Variants in RLIM observed in about 807,000 individuals in gnomAD.
The protein encoded by RLIM is ring finger protein, LIM domain interacting, also known as E3 ubiquitin-protein ligase RLIM.
Under a neutral mutation model 34.0 loss-of-function variants are expected in RLIM, and 2 were observed. The ratio of observed to expected loss-of-function variants is 0.06; its 90% CI spans 0.02 to 0.19. RLIM has a LOEUF of 0.19. Among genes scored for constraint, RLIM ranks in the 10% least tolerant of loss-of-function variants. The probability of loss-of-function intolerance (pLI) is 1.00; values close to 1 mark genes in which losing one functional copy is unlikely to be tolerated. For synonymous variants in RLIM, 169 were observed against 164.0 expected (o/e 1.03, Z -0.23); for missense variants, 286 against 479.7 (o/e 0.60, Z 3.77).
At chrX:74,596,298 T>G (rs1275663336) in intron 1 of RLIM, among the ~76,000 whole-genome samples, 2 of 112,151 alleles carry the variant, frequency 1.8e-5, no homozygotes, top group African/African-American at 3.2e-5. Context: ...CAGGCTAGAG[T>G]GTAGTGGTGC....
At chrX:74,603,481 CATA>C (rs927737129) in intron 1 of RLIM, among the ~76,000 whole-genome samples, 4 of 111,913 alleles carry the variant, frequency 3.6e-5, no homozygotes, top group African/African-American at 1.3e-4. Context: ...TCCTGCCTTC[CATA>C]ATGTTTTATA....
In RLIM at chrX:74,591,991, A is replaced by G. The variant is rs1322692301; in HGVS notation, c.1324T>C (p.Ser442Pro). The change falls in exon 4 of 4, where the codon TCA (serine) becomes CCA (proline). Residue 442 changes from serine (S) to proline (P), a missense_variant. By Grantham distance (74) the Ser-to-Pro change is moderately conservative. Around this residue, in one of 6 missense-constraint regions of RLIM, gnomAD observed 69 missense variants for 83.5 expected, o/e 0.83. Transcript: ENST00000332687. Reference sequence around the variant, plus strand: ...CCAGAACCTCCTCTTCCACTCCGTGACTCTGCCCTTTCCATATTTCGATTT... The same window carrying G: ...CCAGAACCTCCTCTTCCACTCCGTGGCTCTGCCCTTTCCATATTTCGATTT... Reference protein sequence around the residue: ...VSNRNMERAESRSGRGGSGGG... With the variant: ...VSNRNMERAEPRSGRGGSGGG... The G allele has an allele frequency of 8.3e-7, 1 of 1,209,382 alleles. No individual in the cohort carries two copies. The highest frequency in any genetic ancestry group is 1.1e-6 in the Non-Finnish European group (1 of 895,091).
chrX:74,592,728 G>A lies in RLIM; in HGVS notation c.587C>T (p.Thr196Ile), dbSNP rs767136174. The A allele has an allele frequency of 2.1e-5, 26 of 1,211,739 alleles. No homozygotes were observed. The Admixed American group carries it at 5.7e-4, about 26-fold the overall frequency. The change falls in exon 4 of 4, where the codon ACT becomes ATT. Residue 196 changes from threonine to isoleucine, a missense_variant. Thr to Ile is a moderately conservative substitution (Grantham distance 89). Around this residue, in one of 6 missense-constraint regions of RLIM, gnomAD observed 121 missense variants for 182.4 expected, o/e 0.66. Coordinates refer to ENST00000332687, the MANE Select transcript of RLIM (RefSeq NM_016120.4). ...AGGTGGGACCTCTGTTAACGCTTCAGTTGAATTTCGTTCTGATCTAGATGG... is the reference window on the plus strand; with the variant it reads ...AGGTGGGACCTCTGTTAACGCTTCAATTGAATTTCGTTCTGATCTAGATGG... The part of the protein sequence containing the change: ...ARPSRSERNS[T>I]EALTEVPPTR...
At chrX:74,609,349 G>A (rs1437371664) in intron 1 of RLIM, among the ~76,000 whole-genome samples, 1 of 107,969 alleles carries the variant, frequency 9.3e-6, no homozygotes, top group African/African-American at 3.4e-5. Flanking sequence ...TTAGCCAGGC[G>A]TAGTGGTGGG....
In RLIM at chrX:74,592,011, C is replaced by T. The variant is rs200208844; in HGVS notation, c.1304G>A (p.Arg435Gln). 6.6e-6 allele frequency: 8 copies of T among 1,209,514 alleles called. No individual in the cohort carries two copies. The highest frequency in any genetic ancestry group is 2.3e-4 in the Middle Eastern group (1 of 4,369). ...CCGTGACTCTGCCCTTTCCATATTT[C>T]GATTTGAGACTGAGCCAGTAGGCTC... ...DSEPTGSVSNRNMERAESRSG... is the reference protein window; with the variant it reads ...DSEPTGSVSNQNMERAESRSG... Residue 435 changes from arginine (R) to glutamine (Q), a missense_variant, in exon 4 of 4, where the codon CGA becomes CAA. Around this residue, in one of 6 missense-constraint regions of RLIM, gnomAD observed 69 missense variants for 83.5 expected, o/e 0.83. Coordinates refer to ENST00000332687, the MANE Select transcript of RLIM (RefSeq NM_016120.4).
intron 1 of RLIM, among the ~76,000 whole-genome samples, chrX:74,600,850 TAA>T (rs1242204233): frequency 1.7e-4 from 12 of 71,194 alleles, no homozygotes; most frequent in African/African-American, 3.9e-4. Context: ...CATCTCTACT[TAA>T]AAAAAAAAAA....
intron 1 of RLIM, among the ~76,000 whole-genome samples, chrX:74,598,733 C>A (rs1329299070): frequency 1.9e-5 from 2 of 103,574 alleles, no homozygotes; most frequent in African/African-American, 7.2e-5. Flanking sequence ...GAGCAGAGAT[C>A]GCGCCACTGC....
Position 74,588,869 on chromosome X carries a change from C to T in RLIM, c.*2571G>A, listed in dbSNP as rs1302184570. ...ATGACCTTGTCTTCAATGTCCACAA[C>T]ACTAGTAAGCATGTAATAATCACGG... On this transcript the variant is annotated 3_prime_UTR_variant, in exon 4 of 4. Transcript: ENST00000332687. 1.8e-5 allele frequency: 2 copies of T among 112,009 alleles called. No homozygotes were observed. Among genetic ancestry groups the T allele is most frequent in the Non-Finnish European group, 3.8e-5 (2 of 53,216 alleles). 9.2% of individuals were successfully genotyped at this position (112,009 alleles called of 1,213,427 possible). A position where few individuals can be genotyped will look rare whatever the true frequency, so the allele number is the denominator to read the frequency against.
intron 1 of RLIM, among the ~76,000 whole-genome samples, chrX:74,613,610 C>T (rs1051231003): frequency 1.9e-5 from 2 of 102,945 alleles, no homozygotes; most frequent in African/African-American, 3.6e-5. Context: ...TGGCAGGTAC[C>T]GTCTGCAGAA....
chrX:74,609,579 A>G (rs2079698949), intron 1 of RLIM, among the ~76,000 whole-genome samples: 1 of 109,879 alleles, frequency 9.1e-6, no homozygotes, highest in African/African-American at 3.3e-5. Context: ...TGAGGAAGTA[A>G]TTTTGTATTT....
chrX:74,601,984 A>G (rs923795141), intron 1 of RLIM, among the ~76,000 whole-genome samples: 10 of 111,588 alleles, frequency 9.0e-5, no homozygotes, highest in Non-Finnish European at 1.3e-4. Context: ...CACCACCCTC[A>G]AAGATTACAA....
In RLIM at chrX:74,583,915, G is replaced by C. The variant is rs962103957; in HGVS notation, c.*7525C>G. Among the ~76,000 whole-genome samples, 1 of 110,549 alleles carries C rather than the reference G, an allele frequency of 9.0e-6. No homozygotes were observed. The highest frequency in any genetic ancestry group is 3.3e-5 in the African/African-American group (1 of 30,346). On this transcript the variant is annotated 3_prime_UTR_variant, in exon 4 of 4. Coordinates refer to ENST00000332687, the MANE Select transcript of RLIM (RefSeq NM_016120.4). ...AGAAAAATTAGCTGGGCGTGGTGGC[G>C]GGCGCCTGTAATCCCAGCTACTCGG...
chrX:74,614,530 T>C lies in RLIM; in HGVS notation c.-132A>G, dbSNP rs911321252. On this transcript the variant is annotated 5_prime_UTR_variant, in exon 1 of 4. Transcript: ENST00000332687. ...AGCCCGCCTCCAATGAGTAGCTGGT[T>C]GAGACCCGCCTCTAGCCCAGCGCCT... is the stretch of plus-strand genomic sequence containing the variant. 2.7e-5 allele frequency: 3 copies of C among 112,335 alleles called. No homozygotes were observed. The highest frequency in any genetic ancestry group is 9.7e-5 in the African/African-American group (3 of 30,864). 9.3% of individuals were successfully genotyped at this position (112,335 alleles called of 1,213,427 possible).
intron 1 of RLIM, among the ~76,000 whole-genome samples, chrX:74,613,797 C>A (rs781548197): frequency 3.6e-5 from 4 of 109,932 alleles, no homozygotes; most frequent in Non-Finnish European, 5.7e-5. Context: ...TCCAGTGATA[C>A]CTGGCAAAGG....
intron 1 of RLIM, 44 bp from the exon 2 acceptor site, chrX:74,596,044 T>C (rs751187581): frequency 1.5e-5 from 12 of 818,665 alleles, no homozygotes; most frequent in Non-Finnish European, 2.1e-5. Context: ...AAGGTCACTA[T>C]GTATTCTATA....
At chrX:74,593,088 G>T in intron 3 of RLIM, 27 bp from the exon 4 acceptor site, 1 of 1,160,114 alleles carries the variant, frequency 8.6e-7, no homozygotes, top group Non-Finnish European at 1.2e-6. Context: ...AGGGGGAGAG[G>T]GAGAAAAAGG....
chrX:74,607,413 G>GA (rs2079687109), intron 1 of RLIM, among the ~76,000 whole-genome samples: 1 of 112,984 alleles, frequency 8.9e-6, no homozygotes, highest in African/African-American at 3.2e-5. Context: ...GCTTCATCAA[G>GA]AATCTCATAA....
intron 2 of RLIM, among the ~76,000 whole-genome samples, chrX:74,594,814 G>A (rs999567769): frequency 1.9e-5 from 2 of 105,710 alleles, no homozygotes; most frequent in African/African-American, 3.5e-5. Context: ...CAGGAGAATC[G>A]CTTGAGCCCA....
At position 74,583,420 on chromosome X, in the gene RLIM, C is replaced by G. The variant is rs940839218; in HGVS notation, c.*8020G>C. The G allele has an allele frequency of 2.7e-6, 2 of 734,932 alleles. No individual in the cohort carries two copies. Among genetic ancestry groups the G allele is most frequent in the Non-Finnish European group, 4.4e-6 (2 of 458,730 alleles). 60.6% of individuals were successfully genotyped at this position (734,932 alleles called of 1,213,427 possible). ...TGTTGCACTGTAACTTGTGGCTGTG[C>G]ATTAAGATGTTGCTGAGGATTGCAA... On this transcript the variant is annotated 3_prime_UTR_variant, in exon 4 of 4. Coordinates refer to ENST00000332687, the MANE Select transcript of RLIM (RefSeq NM_016120.4).
Sources: allele counts gnomAD v4.1 joint callset (sites outside exome capture counted in the v4.1 genomes callset), GRCh38; gene constraint gnomAD v4.1.1; regional missense constraint gnomAD v4.1.1; transcripts MANE v1.5; gene names NCBI Gene and HGNC (gene_info 2026-07-23, HGNC 2026-07-21).